The following DLG1 variants were observed in gnomAD, a reference collection of about 807,000 sequenced individuals.
DLG1 encodes discs large MAGUK scaffold protein 1.
Under a neutral mutation model 123.4 loss-of-function variants are expected in DLG1, and 42 were observed. That is an observed-to-expected ratio of 0.34 (90% CI 0.27 to 0.44). The LOEUF is 0.44. Among genes scored for constraint, DLG1 ranks in the 20% least tolerant of loss-of-function variants. The pLI, the probability that DLG1 is intolerant of heterozygous loss-of-function variation, is 1.00. For synonymous variants in DLG1, 317 were observed against 356.2 expected (o/e 0.89, Z 1.24); for missense variants, 942 against 1,082.6 (o/e 0.87, Z 1.82).
At chr3:197,212,875 T>A (rs1012497573) in intron 4 of DLG1, among the ~76,000 whole-genome samples, 1 of 152,146 alleles carries the variant, frequency 6.6e-6, no homozygotes, top group Non-Finnish European at 1.5e-5. Context: ...TCACAAGTTA[T>A]CAAAGAAATG....
chr3:197,147,432 GCA>G (rs67643945), intron 6 of DLG1, among the ~76,000 whole-genome samples: 16,383 of 147,018 alleles, frequency 0.11, 942 homozygotes, highest in South Asian at 0.24. Flanking sequence ...TATATGGTGT[GCA>G]CACACACACA....
intron 4 of DLG1, among the ~76,000 whole-genome samples, chr3:197,267,967 A>G (rs1027335879): frequency 6.6e-6 from 1 of 152,230 alleles, no homozygotes; most frequent in African/African-American, 2.4e-5. Context: ...GGACAGTGGG[A>G]TTCTAAAAGA....
rs139378005 is a variant in DLG1, at chr3:197,119,923, A to G, written c.1166-393T>C. Among the ~76,000 whole-genome samples, 912 of 152,298 alleles carry G rather than the reference A, an allele frequency of 6.0e-3. 4 individuals are homozygous for G. Among genetic ancestry groups the G allele is most frequent in the South Asian group, 0.022 (104 of 4,824 alleles). On this transcript the variant is annotated intron_variant, in intron 11 of 24. Coordinates refer to ENST00000667157, the MANE Select transcript of DLG1 (RefSeq NM_001366207.1). Reference sequence around the variant, plus strand: ...TACATCTATGCTTTTAAATTCACCCATAGAAGAATAAAAACCTGGTAAAAA... The same window carrying G: ...TACATCTATGCTTTTAAATTCACCCGTAGAAGAATAAAAACCTGGTAAAAA...
In DLG1 at chr3:197,163,687, A is replaced by ATTT. The variant is rs56865627; in HGVS notation, c.484-13894_484-13892dup. On this transcript the variant is annotated intron_variant, in intron 5 of 24. Transcript: ENST00000667157. ...CAGGCACCTGCCACCATGCTCAGCT[A>ATTT]TTTTTTTTTTTTTTTTTTTTTTTGT... Among the ~76,000 whole-genome samples the ATTT allele has an allele frequency of 4.2e-4, 43 of 102,038 alleles. 1 individual carries two copies. Among genetic ancestry groups the ATTT allele is most frequent in the East Asian group, 1.1e-3 (4 of 3,482 alleles). 66.9% of individuals were successfully genotyped at this position (102,038 alleles called of 152,430 possible). A position where few individuals can be genotyped will look rare whatever the true frequency, so the allele number is the denominator to read the frequency against.
chr3:197,066,660 A>G (rs1448664663), intron 20 of DLG1, 44 bp downstream of exon 20: 2 of 1,445,950 alleles, frequency 1.4e-6, no homozygotes, highest in Non-Finnish European at 9.4e-7. Flanking sequence ...ATTAAAAAGT[A>G]TATTCTTCTA....
intron 17 of DLG1, among the ~76,000 whole-genome samples, chr3:197,079,444 C>T (rs936391141): frequency 6.6e-6 from 1 of 152,182 alleles, no homozygotes; most frequent in South Asian, 2.1e-4. Context: ...TTTCACCCCA[C>T]TCAGTATCAT....
chr3:197,128,454 A>G (rs1224084576), intron 11 of DLG1, among the ~76,000 whole-genome samples: 1 of 152,206 alleles, frequency 6.6e-6, no homozygotes, highest in Non-Finnish European at 1.5e-5. Context: ...TTCTGCCACT[A>G]AAGTTTTGAC....
At chr3:197,053,804 T>A (rs1729670642) in intron 23 of DLG1, among the ~76,000 whole-genome samples, 1 of 146,402 alleles carries the variant, frequency 6.8e-6, no homozygotes, top group Admixed American at 6.9e-5. Flanking sequence ...ATCTGCTGAT[T>A]GCTGGGCAAG....
At chr3:197,174,219 T>G (rs998538493) in intron 5 of DLG1, among the ~76,000 whole-genome samples, 15 of 152,060 alleles carry the variant, frequency 9.9e-5, no homozygotes, top group Non-Finnish European at 2.9e-5. Flanking sequence ...ATGAAGAAAA[T>G]AGAAAATGGC....
intron 4 of DLG1, among the ~76,000 whole-genome samples, chr3:197,259,311 C>T (rs1758287072): frequency 6.6e-6 from 1 of 152,162 alleles, no homozygotes; most frequent in Admixed American, 6.5e-5. Context: ...AGATAATGGG[C>T]ATGTCTGTAT....
rs1017624354 is a variant in DLG1 at position 197,296,200 on chromosome 3, A to G, written c.151+146T>C. 3.3e-5 allele frequency: 25 copies of G among 764,400 alleles called. No homozygotes were observed. In the Middle Eastern group the frequency reaches 2.0e-3, roughly 60 times the overall value. 47.4% of individuals were successfully genotyped at this position (764,400 alleles called of 1,614,324 possible). On this transcript the variant is annotated intron_variant, in intron 3 of 24. Transcript: ENST00000667157. ...TTATTTTAAGAAAGGACACTGGCCT[A>G]TGAAAAACACACAACTCACTGAAGA...
intron 4 of DLG1, among the ~76,000 whole-genome samples, chr3:197,252,684 C>T (rs1578763332): frequency 6.6e-6 from 1 of 152,162 alleles, no homozygotes; most frequent in South Asian, 2.1e-4. Flanking sequence ...GGCTGCATTT[C>T]ACAAATGTAT....
intron 5 of DLG1, among the ~76,000 whole-genome samples, chr3:197,171,288 C>A (rs1199277479): frequency 6.6e-6 from 1 of 152,140 alleles, no homozygotes; most frequent in Non-Finnish European, 1.5e-5. Flanking sequence ...TCAGAAAAAG[C>A]TGATTTTTAT....
intron 4 of DLG1, among the ~76,000 whole-genome samples, chr3:197,261,513 A>G (rs934405372): frequency 7.2e-5 from 11 of 152,182 alleles, no homozygotes; most frequent in African/African-American, 2.7e-4. Flanking sequence ...ATTATCTGCA[A>G]TTTTTGTCCA....
chr3:197,104,462 G>A (rs149499312), intron 14 of DLG1, among the ~76,000 whole-genome samples: 7 of 152,030 alleles, frequency 4.6e-5, no homozygotes, highest in African/African-American at 1.4e-4. Context: ...TGGGCGGATC[G>A]CCTGAGGTCA....
At chr3:197,084,658 A>C (rs897432079) in intron 16 of DLG1, among the ~76,000 whole-genome samples, 2 of 152,076 alleles carry the variant, frequency 1.3e-5, no homozygotes, top group East Asian at 1.9e-4. Flanking sequence ...GAATAAAATC[A>C]AATGGCTGTG....
At chr3:197,122,233 T>G (rs999506595) in intron 11 of DLG1, among the ~76,000 whole-genome samples, 1 of 152,006 alleles carries the variant, frequency 6.6e-6, no homozygotes, top group African/African-American at 2.4e-5. Context: ...AGAAAAATCA[T>G]CTCCATAAAT....
chr3:197,145,248 A>C (rs984709196), intron 6 of DLG1, among the ~76,000 whole-genome samples: 1 of 152,172 alleles, frequency 6.6e-6, no homozygotes, highest in African/African-American at 2.4e-5. Context: ...GGTTATTTGC[A>C]TCATCTTGTT....
intron 4 of DLG1, among the ~76,000 whole-genome samples, chr3:197,266,363 G>A (rs1278435952): frequency 6.6e-6 from 1 of 151,138 alleles, no homozygotes; most frequent in African/African-American, 2.4e-5. Flanking sequence ...GACAGAGAAG[G>A]ATAGAGTGTG....
Sources: allele counts gnomAD v4.1 joint callset (sites outside exome capture counted in the v4.1 genomes callset), GRCh38; gene constraint gnomAD v4.1.1; transcripts MANE v1.5; gene names NCBI Gene and HGNC (gene_info 2026-07-23, HGNC 2026-07-21).